Variants in CHDH observed in about 807,000 individuals in gnomAD.
CHDH encodes the protein choline dehydrogenase.
CHDH carries 43 observed loss-of-function variants against 56.9 expected under a neutral mutation model. The observed-to-expected ratio is 0.76, with a 90% CI of 0.59 to 0.97. The LOEUF (loss-of-function observed/expected upper bound fraction) is 0.97, where lower values mean the gene tolerates loss of function less well. CHDH is among the 50% of genes least tolerant of loss of function. The pLI is 0.00. For synonymous variants in CHDH, 364 were observed against 348.5 expected (o/e 1.04, Z -0.50); for missense variants, 816 against 821.1 (o/e 0.99, Z 0.08).
Position 53,823,956 on chromosome 3 carries a change from G to T in CHDH, c.53C>A (p.Ala18Asp). The change falls in exon 3 of 9, where the codon GCC (alanine) becomes GAC (aspartate). Residue 18 changes from alanine to aspartate, a missense_variant. Physicochemically the swap from Ala to Asp is moderately radical, Grantham distance 126. Coordinates refer to ENST00000315251, the MANE Select transcript of CHDH (RefSeq NM_018397.5). Reference sequence around the variant, plus strand: ...ACCCAGGGATTGCTGCTGCCCCAGGGCTCCCCGTGCCAGGGCTCCAGGCCG... The same window carrying T: ...ACCCAGGGATTGCTGCTGCCCCAGGTCTCCCCGTGCCAGGGCTCCAGGCCG... ...LGRPGALARGALGQQQSLGAR... is the reference protein window; with the variant it reads ...LGRPGALARGDLGQQQSLGAR... The T allele has an allele frequency of 6.6e-7, 1 of 1,518,860 alleles. No individual in the cohort carries two copies. Among genetic ancestry groups the T allele is most frequent in the Non-Finnish European group, 8.8e-7 (1 of 1,139,608 alleles). The allele number at this position is 1,518,860 out of a possible 1,614,324, so 94.1% of individuals were successfully genotyped here.
intron 8 of CHDH, 129 bp downstream of exon 8, chr3:53,818,809 G>T: frequency 1.4e-6 from 1 of 728,782 alleles, no homozygotes; most frequent in South Asian, 1.5e-5. Flanking sequence ...AAAGTGACAC[G>T]GTGGGGGACG....
At chr3:53,845,116 G>C (rs1022820508) in intron 1 of CHDH, among the ~76,000 whole-genome samples, 9 of 152,252 alleles carry the variant, frequency 5.9e-5, no homozygotes, top group African/African-American at 2.2e-4. Flanking sequence ...GGTGGAATGA[G>C]GGGCTCAGGG....
At position 53,816,872 on chromosome 3, in the gene CHDH, G is replaced by T. The variant is rs1201022751; in HGVS notation, c.*905C>A. On this transcript the variant is annotated 3_prime_UTR_variant, in exon 9 of 9. Coordinates refer to ENST00000315251, the MANE Select transcript of CHDH (RefSeq NM_018397.5). ...TTTTTTTTTTTTTTTTTGAGACAGG[G>T]TCTCACCCTGTCACCCAGGCTGGAG... 1 of 139,330 alleles carries T rather than the reference G, an allele frequency of 7.2e-6. No homozygotes were observed. Among genetic ancestry groups the T allele is most frequent in the Non-Finnish European group, 1.5e-5 (1 of 66,198 alleles). 8.6% of individuals were successfully genotyped at this position (139,330 alleles called of 1,614,324 possible). A position where few individuals can be genotyped will look rare whatever the true frequency, so the allele number is the denominator to read the frequency against.
chr3:53,823,857 G>A lies in CHDH; in HGVS notation c.152C>T (p.Ala51Val), dbSNP rs774324827. The A allele has an allele frequency of 3.1e-6, 5 of 1,590,674 alleles. No homozygotes were observed. The highest frequency in any genetic ancestry group is 2.3e-5 in the East Asian group (1 of 44,022). ...YSYVVVGAGS[A>V]GCVLAGRLTE... is the part of the protein sequence containing the mutation. ...GAGCCTCCCAGCCAGCACGCAGCCCGCCGAGCCCGCGCCCACCACCACATA... is the reference window on the plus strand; with the variant it reads ...GAGCCTCCCAGCCAGCACGCAGCCCACCGAGCCCGCGCCCACCACCACATA... Residue 51 changes from alanine to valine, a missense_variant, in exon 3 of 9, where the codon GCG becomes GTG. Transcript: ENST00000315251.
At chr3:53,837,502 G>T in intron 2 of CHDH, among the ~76,000 whole-genome samples, 1 of 152,250 alleles carries the variant, frequency 6.6e-6, no homozygotes, top group East Asian at 1.9e-4. Flanking sequence ...CTGCCAGGCC[G>T]CACCGTGTGA....
At chr3:53,827,212 TG>T (rs1314675845) in intron 2 of CHDH, among the ~76,000 whole-genome samples, 1 of 152,164 alleles carries the variant, frequency 6.6e-6, no homozygotes, top group Non-Finnish European at 1.5e-5. Context: ...GCTTCCCTCT[TG>T]CTGTTCTCAT....
At chr3:53,820,209 C>G (rs2095623553) in intron 6 of CHDH, among the ~76,000 whole-genome samples, 1 of 152,220 alleles carries the variant, frequency 6.6e-6, no homozygotes, top group Non-Finnish European at 1.5e-5. Flanking sequence ...GGAGGAGCAG[C>G]CCCTAAGCCC....
At chr3:53,842,807 C>A (rs191161903) in intron 1 of CHDH, among the ~76,000 whole-genome samples, 1 of 152,246 alleles carries the variant, frequency 6.6e-6, no homozygotes, top group Non-Finnish European at 1.5e-5. Flanking sequence ...TTAAAATTGA[C>A]CCTGCCAAGC....
chr3:53,820,095 C>A (rs1296255365), intron 6 of CHDH, among the ~76,000 whole-genome samples: 2 of 152,204 alleles, frequency 1.3e-5, no homozygotes, highest in African/African-American at 2.4e-5. Context: ...AAGATGAATG[C>A]TGATTCTGCA....
Position 53,846,103 on chromosome 3 carries a change from G to A in CHDH, c.-151C>T, listed in dbSNP as rs1698871869. On this transcript the variant is annotated 5_prime_UTR_variant, in exon 1 of 9. Coordinates refer to ENST00000315251, the MANE Select transcript of CHDH (RefSeq NM_018397.5). ...CTCACCCGGGGCGACTCGGCCGAGAGCCCGACAGTCGGGACCGGAGCGGGA... is the reference window on the plus strand; with the variant it reads ...CTCACCCGGGGCGACTCGGCCGAGAACCCGACAGTCGGGACCGGAGCGGGA... 1 of 152,564 alleles carries A rather than the reference G, an allele frequency of 6.6e-6. No individual in the cohort carries two copies. 9.5% of individuals were successfully genotyped at this position (152,564 alleles called of 1,614,324 possible).
In CHDH at chr3:53,814,180, G is replaced by A. The variant is rs2095611696; in HGVS notation, c.*3597C>T. 1 of 152,178 alleles carries A rather than the reference G, an allele frequency of 6.6e-6. No homozygotes were observed. The highest frequency in any genetic ancestry group is 2.4e-5 in the African/African-American group (1 of 41,434). 9.4% of individuals were successfully genotyped at this position (152,178 alleles called of 1,614,324 possible). On this transcript the variant is annotated 3_prime_UTR_variant, in exon 9 of 9. Transcript: ENST00000315251. ...TGCTGACCCTGCTATGAGAAAAACT[G>A]GAGCAGTTTCACCTTGTGTACTTCT...
chr3:53,835,808 G>A (rs965702887), intron 2 of CHDH, among the ~76,000 whole-genome samples: 13 of 152,212 alleles, frequency 8.5e-5, no homozygotes, highest in African/African-American at 3.1e-4. Flanking sequence ...GATGCTGGGT[G>A]GGGTGGAGGG....
rs2095622960 is a variant in CHDH, at chr3:53,819,932, C to T, written c.1121-258G>A. Among the ~76,000 whole-genome samples, 1 of 152,224 alleles carries T rather than the reference C, an allele frequency of 6.6e-6. No homozygotes were observed. Among genetic ancestry groups the T allele is most frequent in the South Asian group, 2.1e-4 (1 of 4,836 alleles). On this transcript the variant is annotated intron_variant, in intron 6 of 8. Transcript: ENST00000315251. This position sits in a 1 kb window ranked among gnomAD's most constrained non-coding sequence, Gnocchi z 5.4. ...CTACCAGGGCCAATTCTGCCACTGC[C>T]CATGCCACCTGCCTTACCGGCTCTT... is the stretch of plus-strand genomic sequence containing the variant.
chr3:53,820,026 G>A (rs930922347), intron 6 of CHDH, among the ~76,000 whole-genome samples: 2 of 152,236 alleles, frequency 1.3e-5, no homozygotes, highest in Non-Finnish European at 2.9e-5. Context: ...GGATGGGTAG[G>A]ATTTTAAACT....
chr3:53,836,218 T>G (rs1334363926), intron 2 of CHDH, among the ~76,000 whole-genome samples: 2 of 152,142 alleles, frequency 1.3e-5, no homozygotes, highest in African/African-American at 4.8e-5. Context: ...CCTGGGCAGC[T>G]GCTCCTCCTC....
intron 2 of CHDH, among the ~76,000 whole-genome samples, chr3:53,838,751 C>T (rs1250853322): frequency 6.6e-6 from 1 of 152,148 alleles, no homozygotes; most frequent in African/African-American, 2.4e-5. Flanking sequence ...GCTCCCAGAG[C>T]CACGTACACA....
intron 2 of CHDH, among the ~76,000 whole-genome samples, chr3:53,835,929 A>C (rs1290804431): frequency 6.6e-6 from 1 of 152,154 alleles, no homozygotes; most frequent in African/African-American, 2.4e-5. Flanking sequence ...CCCCTCCACC[A>C]CAGGCCCAGC....
At position 53,816,226 on chromosome 3, in the gene CHDH, G is replaced by C. The variant is rs1237059751; in HGVS notation, c.*1551C>G. ...CCCAATTTCCTCCCGTCCTTATTCT[G>C]GGCCTAGTATAGCTGCAGGTTTCCA... On this transcript the variant is annotated 3_prime_UTR_variant, in exon 9 of 9. Coordinates refer to ENST00000315251, the MANE Select transcript of CHDH (RefSeq NM_018397.5). 7.1e-6 allele frequency: 1 copy of C among 141,148 alleles called. No homozygotes were observed. The highest frequency in any genetic ancestry group is 1.5e-5 in the Non-Finnish European group (1 of 66,948). The allele number at this position is 141,148 out of a possible 1,614,324, so 8.7% of individuals were successfully genotyped here. A position where few individuals can be genotyped will look rare whatever the true frequency, so the allele number is the denominator to read the frequency against.
Position 53,846,332 on chromosome 3 carries a change from G to C in CHDH, c.-380C>G, listed in dbSNP as rs1698886748. 1 of 441,960 alleles carries C rather than the reference G, an allele frequency of 2.3e-6. No individual in the cohort carries two copies. The allele number at this position is 441,960 out of a possible 1,614,324, so 27.4% of individuals were successfully genotyped here. On this transcript the variant is annotated 5_prime_UTR_variant, in exon 1 of 9. Coordinates refer to ENST00000315251, the MANE Select transcript of CHDH (RefSeq NM_018397.5). ...GATGCACCTGGCTCACTGCATGCAC[G>C]TGTGCGCGGGGGTAGGCGCGCGCCG...
Sources: allele counts gnomAD v4.1 joint callset (sites outside exome capture counted in the v4.1 genomes callset), GRCh38; gene constraint gnomAD v4.1.1; non-coding constraint Gnocchi (gnomAD v3.1); transcripts MANE v1.5; gene names NCBI Gene and HGNC (gene_info 2026-07-23, HGNC 2026-07-21).